Variants in SPATA17 observed in about 807,000 individuals in gnomAD.
The protein encoded by SPATA17 is spermatogenesis associated 17.
SPATA17 carries 53 observed loss-of-function variants against 62.2 expected under a neutral mutation model. The observed-to-expected ratio is 0.85, with a 90% CI of 0.68 to 1.07. SPATA17 has a LOEUF of 1.07. Among genes scored for constraint, SPATA17 ranks in the 50% least tolerant of loss-of-function variants. SPATA17 has a pLI of 0.00. For synonymous variants in SPATA17, 146 were observed against 146.8 expected, an observed-to-expected ratio of 0.99 and a Z score of 0.04; for missense variants, 466 against 425.5, an observed-to-expected ratio of 1.10 and a Z score of -0.84.
chr1:217,696,109 G>GT (rs912167972), intron 5 of SPATA17, among the ~76,000 whole-genome samples: 1 of 152,232 alleles, frequency 6.6e-6, no homozygotes, highest in African/African-American at 2.4e-5. Context: ...CCGCCTTGCA[G>GT]TTTGATCTCA....
rs564832129 is a variant in SPATA17 at position 217,655,597 on chromosome 1, C to T, written c.240+4419C>T. On this transcript the variant is annotated intron_variant, in intron 3 of 10. Transcript: ENST00000366933. The stretch of plus-strand genomic sequence containing the variant: ...ACTATAGATCTTCAACAGTGATTTT[C>T]TAATTCCATTGTTTCTCCTACATTT... 1.1e-3 allele frequency among the ~76,000 whole-genome samples: 170 copies of T among 152,292 alleles called. 1 individual carries two copies. The highest frequency in any genetic ancestry group is 3.7e-3 in the South Asian group (18 of 4,830).
At chr1:217,634,678 G>A (rs1669898239) in intron 1 of SPATA17, among the ~76,000 whole-genome samples, 1 of 152,154 alleles carries the variant, frequency 6.6e-6, no homozygotes, top group African/African-American at 2.4e-5. Context: ...CTAGTCCCCA[G>A]GCAAGAAGGG....
At chr1:217,696,382 G>T (rs941013589) in intron 5 of SPATA17, among the ~76,000 whole-genome samples, 1 of 152,202 alleles carries the variant, frequency 6.6e-6, no homozygotes, top group African/African-American at 2.4e-5. Flanking sequence ...ACTGGCCTGC[G>T]CCCACTGTCT....
chr1:217,849,572 T>C (rs1675601289), intron 9 of SPATA17, among the ~76,000 whole-genome samples: 1 of 151,810 alleles, frequency 6.6e-6, no homozygotes, highest in South Asian at 2.1e-4. Context: ...TTGCCAGGAG[T>C]GCAAGTATCT....
intron 8 of SPATA17, among the ~76,000 whole-genome samples, chr1:217,799,299 C>T (rs938969119): frequency 6.6e-6 from 1 of 152,204 alleles, no homozygotes; most frequent in East Asian, 1.9e-4. Flanking sequence ...CTTGTCGTCT[C>T]GGCCATTCAT....
intron 3 of SPATA17, among the ~76,000 whole-genome samples, chr1:217,652,910 T>C (rs530187451): frequency 6.6e-6 from 1 of 152,278 alleles, no homozygotes; most frequent in African/African-American, 2.4e-5. Flanking sequence ...TGGGAGATTT[T>C]TGTGAAAATT....
intron 9 of SPATA17, among the ~76,000 whole-genome samples, chr1:217,811,934 T>C (rs1486434591): frequency 6.6e-6 from 1 of 152,132 alleles, no homozygotes; most frequent in Non-Finnish European, 1.5e-5. Context: ...AATTTATTAA[T>C]TATTGGTGGA....
chr1:217,665,721 A>G (rs551072142), intron 3 of SPATA17, among the ~76,000 whole-genome samples: 1 of 152,328 alleles, frequency 6.6e-6, no homozygotes, highest in East Asian at 1.9e-4. Flanking sequence ...TCAGTTATAA[A>G]TAATAAGTAT....
intron 6 of SPATA17, among the ~76,000 whole-genome samples, chr1:217,758,359 C>T (rs1269315174): frequency 1.3e-5 from 2 of 152,158 alleles, no homozygotes; most frequent in Non-Finnish European, 2.9e-5. Flanking sequence ...TTGTTGAGTA[C>T]TTACTTTGTG....
chr1:217,755,593 GT>G (rs1673023338), intron 6 of SPATA17, among the ~76,000 whole-genome samples: 4 of 151,780 alleles, frequency 2.6e-5, no homozygotes, highest in Non-Finnish European at 5.9e-5. Flanking sequence ...GAATTTCAGA[GT>G]TTTTTCTCAA....
chr1:217,852,254 T>C (rs996524412), intron 9 of SPATA17, among the ~76,000 whole-genome samples: 10 of 152,188 alleles, frequency 6.6e-5, no homozygotes, highest in African/African-American at 2.4e-4. Context: ...GAATTTTTTC[T>C]AATTACTTTT....
At chr1:217,766,107 A>G (rs1053353253) in intron 6 of SPATA17, among the ~76,000 whole-genome samples, 3 of 151,324 alleles carry the variant, frequency 2.0e-5, no homozygotes, top group Non-Finnish European at 3.0e-5. Flanking sequence ...TTTTTTATCC[A>G]CTCTGACAAT....
At chr1:217,735,786 T>G (rs1672498646) in intron 5 of SPATA17, among the ~76,000 whole-genome samples, 1 of 152,094 alleles carries the variant, frequency 6.6e-6, no homozygotes, top group Admixed American at 6.6e-5. Context: ...ATTCTGTTTT[T>G]AGTATTATAG....
chr1:217,821,757 C>T (rs1004532640), intron 9 of SPATA17, among the ~76,000 whole-genome samples: 2 of 151,810 alleles, frequency 1.3e-5, no homozygotes, highest in African/African-American at 2.4e-5. Flanking sequence ...TGGTATCCTC[C>T]GATTTTATAT....
chr1:217,636,150 A>AAAAG (rs1553359400), intron 1 of SPATA17, among the ~76,000 whole-genome samples: 1 of 146,958 alleles, frequency 6.8e-6, no homozygotes, highest in African/African-American at 2.5e-5. Flanking sequence ...AAAAAAAAAA[A>AAAAG]GGGTGTTTTC....
At chr1:217,855,273 A>C (rs1558078088) in intron 9 of SPATA17, among the ~76,000 whole-genome samples, 2 of 152,182 alleles carry the variant, frequency 1.3e-5, no homozygotes, top group Non-Finnish European at 2.9e-5. Flanking sequence ...TCTCCTTTTT[A>C]AATTGACACA....
chr1:217,849,131 G>C (rs1448857808), intron 9 of SPATA17, among the ~76,000 whole-genome samples: 2 of 151,982 alleles, frequency 1.3e-5, no homozygotes, highest in African/African-American at 2.4e-5. Context: ...TTTTTTGTTT[G>C]TTTACTTATC....
chr1:217,864,091 T>G (rs934551009), intron 10 of SPATA17, among the ~76,000 whole-genome samples: 1 of 152,208 alleles, frequency 6.6e-6, no homozygotes, highest in East Asian at 1.9e-4. Flanking sequence ...ATATGAAATA[T>G]TCTGAGCTAA....
At position 217,850,348 on chromosome 1, in the gene SPATA17, C is replaced by T. The variant is rs1440817098; in HGVS notation, c.1006-12426C>T. Reference sequence around the variant, plus strand: ...TCTAAACTTAAGTGGGGGCAGATGGCTATAGTGCAGTGTAATGCCATCACT... The same window carrying T: ...TCTAAACTTAAGTGGGGGCAGATGGTTATAGTGCAGTGTAATGCCATCACT... On this transcript the variant is annotated intron_variant, in intron 9 of 10. Transcript: ENST00000366933. 5 of 643,236 alleles carry T rather than the reference C, an allele frequency of 7.8e-6. No individual in the cohort carries two copies. In the East Asian group the frequency reaches 1.6e-4, roughly 20 times the overall value. 39.8% of individuals were successfully genotyped at this position (643,236 alleles called of 1,614,324 possible). A position where few individuals can be genotyped will look rare whatever the true frequency, so the allele number is the denominator to read the frequency against.
Sources: allele counts gnomAD v4.1 joint callset (sites outside exome capture counted in the v4.1 genomes callset), GRCh38; gene constraint gnomAD v4.1.1; transcripts MANE v1.5; gene names NCBI Gene and HGNC (gene_info 2026-07-23, HGNC 2026-07-21).